The following PRDM5 variants were observed in gnomAD, a reference collection of about 807,000 sequenced individuals.
The protein encoded by PRDM5 is PR/SET domain 5.
A neutral mutation model predicts 81.2 loss-of-function variants in PRDM5; 56 were observed. That is an observed-to-expected ratio of 0.69 (90% CI 0.56 to 0.86). The LOEUF (loss-of-function observed/expected upper bound fraction) is 0.86, where lower values mean the gene tolerates loss of function less well. PRDM5 is among the 40% of genes least tolerant of loss of function. PRDM5 has a pLI of 0.00. For missense variants in PRDM5, 697 were observed against 770.1 expected (o/e 0.91, Z 1.12); for synonymous variants, 267 against 256.4 (o/e 1.04, Z -0.39).
chr4:120,917,592 G>A (rs1724338539), intron 1 of PRDM5, among the ~76,000 whole-genome samples: 1 of 151,306 alleles, frequency 6.6e-6, no homozygotes, highest in South Asian at 2.1e-4. Context: ...CATATAGAGT[G>A]ATAAAGATTG....
chr4:120,757,464 T>C (rs574241846), intron 13 of PRDM5, among the ~76,000 whole-genome samples: 123 of 152,300 alleles, frequency 8.1e-4, no homozygotes, highest in South Asian at 2.1e-3. Context: ...AATATAGTAA[T>C]AGCTGGTTAA....
At chr4:120,819,596 G>C (rs1252200227) in intron 4 of PRDM5, among the ~76,000 whole-genome samples, 1 of 152,018 alleles carries the variant, frequency 6.6e-6, no homozygotes, top group East Asian at 1.9e-4. Context: ...AAAAAATTCT[G>C]TTTAAGTTTC....
chr4:120,703,803 C>G (rs1210176186), intron 15 of PRDM5, among the ~76,000 whole-genome samples: 4 of 152,124 alleles, frequency 2.6e-5, no homozygotes, highest in Non-Finnish European at 5.9e-5. Flanking sequence ...TAAACCCAGA[C>G]AGTCTGGGTT....
chr4:120,889,515 C>A (rs916983032), intron 2 of PRDM5, among the ~76,000 whole-genome samples: 2 of 151,970 alleles, frequency 1.3e-5, no homozygotes, highest in African/African-American at 4.8e-5. Flanking sequence ...CATACCATCA[C>A]CCTCCTTGCA....
intron 2 of PRDM5, among the ~76,000 whole-genome samples, chr4:120,891,249 G>T (rs1764010749): frequency 6.6e-6 from 1 of 151,894 alleles, no homozygotes; most frequent in Non-Finnish European, 1.5e-5. Flanking sequence ...TTTCTTCCTG[G>T]TTCAATCTTG....
intron 14 of PRDM5, among the ~76,000 whole-genome samples, chr4:120,750,883 T>C (rs1331214588): frequency 6.6e-6 from 1 of 151,990 alleles, no homozygotes; most frequent in Non-Finnish European, 1.5e-5. Context: ...ATAATTACAA[T>C]TAATATGTCA....
At chr4:120,793,874 T>C (rs939752477) in intron 10 of PRDM5, among the ~76,000 whole-genome samples, 2 of 152,156 alleles carry the variant, frequency 1.3e-5, no homozygotes, top group Non-Finnish European at 2.9e-5. Context: ...TGTGTGTGTA[T>C]ACATATAAAC....
intron 8 of PRDM5, among the ~76,000 whole-genome samples, chr4:120,811,040 T>C (rs1753760811): frequency 6.6e-6 from 1 of 152,134 alleles, no homozygotes; most frequent in South Asian, 2.1e-4. Context: ...TTCTCTTTTG[T>C]AAAGAAAATA....
rs566115605 is a variant in PRDM5 at position 120,839,823 on chromosome 4, C to T, written c.300+13595G>A. Among the ~76,000 whole-genome samples, 26 of 152,340 alleles carry T rather than the reference C, an allele frequency of 1.7e-4. No homozygotes were observed. The East Asian group carries it at 4.5e-3, about 26-fold the overall frequency. On this transcript the variant is annotated intron_variant, in intron 3 of 15. Transcript: ENST00000264808. The stretch of plus-strand genomic sequence containing the variant: ...CACTGAGCTGCCCTCAGCTCTGCAT[C>T]GGTTTCCAACCCCCCCACACTCATT...
chr4:120,787,584 G>T (rs539850154), intron 10 of PRDM5, among the ~76,000 whole-genome samples: 6 of 152,304 alleles, frequency 3.9e-5, no homozygotes, highest in African/African-American at 1.4e-4. Flanking sequence ...GATGTGAAGA[G>T]AAGTAGTAGA....
intron 3 of PRDM5, among the ~76,000 whole-genome samples, chr4:120,829,990 C>A (rs1257862938): frequency 6.6e-6 from 1 of 152,088 alleles, no homozygotes; most frequent in Non-Finnish European, 1.5e-5. Context: ...TATAAAGCTT[C>A]TTTACTAAAC....
chr4:120,799,668 G>A lies in PRDM5; in HGVS notation c.1023C>T (p.Thr341=). ...SANQLKRHMI[T]HSEKRPYNCE... ...AAAAAGTATATAGTTTACCTGAGTG[G>A]GTGATCATATGACGTTTTAGCTGAT... Residue 341 remains threonine, a synonymous_variant, in exon 9 of 16, where the codon ACC becomes ACT. Coordinates refer to ENST00000264808, the MANE Select transcript of PRDM5 (RefSeq NM_018699.4). 6.2e-7 allele frequency: 1 copy of A among 1,612,258 alleles called. No individual in the cohort carries two copies. Among genetic ancestry groups the A allele is most frequent in the African/African-American group, 1.3e-5 (1 of 74,950 alleles).
intron 15 of PRDM5, 89 bp downstream of exon 15, chr4:120,710,220 G>GATACACAC: frequency 1.0e-6 from 1 of 981,592 alleles, no homozygotes; most frequent in Non-Finnish European, 1.5e-6. Flanking sequence ...CACACACACA[G>GATACACAC]ACACACACAC....
intron 7 of PRDM5, among the ~76,000 whole-genome samples, chr4:120,812,018 C>A (rs1055209906): frequency 4.6e-5 from 7 of 151,808 alleles, no homozygotes; most frequent in Non-Finnish European, 8.8e-5. Context: ...TTTTATTCAC[C>A]CCCTCCCCGC....
chr4:120,802,643 G>T (rs1014539493), intron 8 of PRDM5, among the ~76,000 whole-genome samples: 6 of 152,180 alleles, frequency 3.9e-5, no homozygotes, highest in Admixed American at 3.9e-4. Context: ...GCAGTTGAGG[G>T]TCCTAACTGT....
At chr4:120,744,709 C>A (rs1449344047) in intron 14 of PRDM5, among the ~76,000 whole-genome samples, 1 of 151,324 alleles carries the variant, frequency 6.6e-6, no homozygotes, top group Non-Finnish European at 1.5e-5. Flanking sequence ...TTGACACATA[C>A]ACTCTCCCAA....
chr4:120,833,682 G>A (rs143096809), intron 3 of PRDM5, among the ~76,000 whole-genome samples: 5 of 152,202 alleles, frequency 3.3e-5, no homozygotes, highest in African/African-American at 4.8e-5. Context: ...GATGGAAAAG[G>A]CATTAAATTT....
intron 1 of PRDM5, among the ~76,000 whole-genome samples, chr4:120,685,628 ACTT>A (rs1733799424): frequency 6.6e-6 from 1 of 151,902 alleles, no homozygotes; most frequent in Non-Finnish European, 1.5e-5. Context: ...AGGCAATACC[ACTT>A]CTTGAACTCG....
intron 2 of PRDM5, among the ~76,000 whole-genome samples, chr4:120,880,146 T>C (rs1579091967): frequency 6.6e-6 from 1 of 152,316 alleles, no homozygotes; most frequent in African/African-American, 2.4e-5. Context: ...CTGTAATTTA[T>C]ACTTAATTTT....
Sources: gnomAD v4.1 joint callset for allele counts (sites outside exome capture counted in the v4.1 genomes callset) on GRCh38, gnomAD v4.1.1 for gene constraint, MANE v1.5 for transcripts, NCBI Gene and HGNC (gene_info 2026-07-23, HGNC 2026-07-21) for gene names.